The following GPC5 variants were observed in gnomAD, a reference collection of about 807,000 sequenced individuals.
GPC5 encodes the protein glypican 5, also known as glypican-5.
In GPC5, 47 loss-of-function variants were observed where a neutral mutation model predicts 53.9. The observed-to-expected ratio is 0.87, with a 90% CI of 0.69 to 1.11. The LOEUF (loss-of-function observed/expected upper bound fraction) is 1.11, where lower values mean the gene tolerates loss of function less well. GPC5 is among the 50% of genes most tolerant of loss of function. The pLI is 0.00. For missense variants in GPC5, 748 were observed against 713.1 expected (o/e 1.05, Z -0.56); for synonymous variants, 286 against 263.3 (o/e 1.09, Z -0.84).
intron 5 of GPC5, among the ~76,000 whole-genome samples, chr13:91,775,592 C>T (rs2037698346): frequency 6.6e-6 from 1 of 152,190 alleles, no homozygotes; most frequent in Admixed American, 6.5e-5. Flanking sequence ...TTTCATATCT[C>T]TATGGTTTGG....
chr13:91,917,938 C>T (rs1050156364), intron 6 of GPC5, among the ~76,000 whole-genome samples: 9 of 152,178 alleles, frequency 5.9e-5, no homozygotes, highest in Admixed American at 2.0e-4. Flanking sequence ...TCCACATTTT[C>T]GGGTATATCT....
At chr13:92,222,210 G>A (rs1239342986) in intron 7 of GPC5, among the ~76,000 whole-genome samples, 2 of 152,140 alleles carry the variant, frequency 1.3e-5, no homozygotes, top group East Asian at 1.9e-4. Flanking sequence ...TCAGAGCACA[G>A]GAGGACCAGA....
intron 2 of GPC5, among the ~76,000 whole-genome samples, chr13:91,572,099 GTA>G (rs1244026809): frequency 6.9e-5 from 8 of 116,688 alleles, no homozygotes; most frequent in Non-Finnish European, 1.4e-4. Context: ...ACATGTGTGT[GTA>G]TATACACACA....
intron 7 of GPC5, among the ~76,000 whole-genome samples, chr13:92,606,000 A>G (rs895794482): frequency 3.5e-4 from 53 of 152,180 alleles, no homozygotes; most frequent in Non-Finnish European, 5.6e-4. Flanking sequence ...AAATTTTCAA[A>G]GCTATTTTAA....
In GPC5 at chr13:91,644,919, C is replaced by A. The variant is rs7998900; in HGVS notation, c.326-48268C>A. ...TAATAACTTAAAGACTGTTACTCAA[C>A]ATGAGAAAGATATTTTAAACCAAAT... On this transcript the variant is annotated intron_variant, in intron 2 of 7. Coordinates refer to ENST00000377067, the MANE Select transcript of GPC5 (RefSeq NM_004466.6). 3.5e-3 allele frequency among the ~76,000 whole-genome samples: 529 copies of A among 152,274 alleles called. 4 individuals carry two copies. The highest frequency in any genetic ancestry group is 0.012 in the African/African-American group (502 of 41,556).
chr13:92,134,801 C>A (rs1400397704), intron 6 of GPC5, among the ~76,000 whole-genome samples: 1 of 152,026 alleles, frequency 6.6e-6, no homozygotes, highest in Non-Finnish European at 1.5e-5. Context: ...TTGCCTCTTT[C>A]TCTCCCTCCC....
At chr13:92,246,527 G>A (rs1177551789) in intron 7 of GPC5, among the ~76,000 whole-genome samples, 2 of 152,038 alleles carry the variant, frequency 1.3e-5, no homozygotes, top group Non-Finnish European at 2.9e-5. Flanking sequence ...AAACCATCCT[G>A]TCAGTAGATA....
intron 7 of GPC5, among the ~76,000 whole-genome samples, chr13:92,472,240 TCTTTCC>T (rs1287628007): frequency 6.6e-6 from 1 of 152,122 alleles, no homozygotes; most frequent in East Asian, 1.9e-4. Flanking sequence ...ACCATCTTAA[TCTTTCC>T]CTTCACTTCT....
intron 7 of GPC5, chr13:92,340,651 G>A (rs542518899): frequency 1.3e-4 from 20 of 152,134 alleles, no homozygotes; most frequent in Admixed American, 6.6e-4. Context: ...CATTTTAATT[G>A]CTTTTTCTTT....
intron 6 of GPC5, among the ~76,000 whole-genome samples, chr13:92,003,557 G>A (rs1031020588): frequency 6.6e-6 from 1 of 151,748 alleles, no homozygotes; most frequent in African/African-American, 2.4e-5. Flanking sequence ...ACAGATTATA[G>A]GATGTCAGTA....
At chr13:92,527,241 G>A (rs1197604484) in intron 7 of GPC5, among the ~76,000 whole-genome samples, 1 of 36,584 alleles carries the variant, frequency 2.7e-5, no homozygotes, top group Non-Finnish European at 4.8e-5. Context: ...AAGAAAGAAA[G>A]AAAGAAAGAG....
rs552529643 is a variant in GPC5, at chr13:92,274,778, A to G, written c.1561+129789A>G. ...GAGACGACAACAGAGTGAGTTTATT[A>G]GCCAAACGGAAGTTACAATCTTATG... On this transcript the variant is annotated intron_variant, in intron 7 of 7. Coordinates refer to ENST00000377067, the MANE Select transcript of GPC5 (RefSeq NM_004466.6). Among the ~76,000 whole-genome samples, 6 of 152,280 alleles carry G rather than the reference A, an allele frequency of 3.9e-5. No individual in the cohort carries two copies. The East Asian group carries it at 1.2e-3, about 29-fold the overall frequency.
At chr13:92,191,935 T>G (rs972110576) in intron 7 of GPC5, among the ~76,000 whole-genome samples, 20 of 152,126 alleles carry the variant, frequency 1.3e-4, no homozygotes, top group Non-Finnish European at 8.8e-5. Flanking sequence ...TCACAGAACA[T>G]AATGAAGGTG....
At chr13:92,780,660 G>GAAAACAC (rs1280566934) in intron 7 of GPC5, among the ~76,000 whole-genome samples, 2 of 150,688 alleles carry the variant, frequency 1.3e-5, no homozygotes, top group African/African-American at 4.9e-5. Context: ...TAGAAGATTG[G>GAAAACAC]TGCCCTCTTT....
chr13:92,406,183 C>T (rs1458493410), intron 7 of GPC5, among the ~76,000 whole-genome samples: 1 of 152,170 alleles, frequency 6.6e-6, no homozygotes, highest in Non-Finnish European at 1.5e-5. Flanking sequence ...TTTGATTTCA[C>T]TTCACATAAA....
intron 7 of GPC5, among the ~76,000 whole-genome samples, chr13:92,411,306 G>T (rs968541287): frequency 2.0e-5 from 3 of 152,002 alleles, no homozygotes; most frequent in African/African-American, 7.2e-5. Context: ...CTTGAGATAT[G>T]GATATTATGC....
At chr13:92,167,300 C>T (rs116786971) in intron 7 of GPC5, among the ~76,000 whole-genome samples, 1,903 of 152,124 alleles carry the variant, frequency 0.013, 30 homozygotes, top group African/African-American at 0.044. Context: ...ATTTTCAGGG[C>T]ATTGATGTAT....
chr13:91,550,743 T>A (rs1160715948), intron 2 of GPC5, among the ~76,000 whole-genome samples: 2 of 152,054 alleles, frequency 1.3e-5, no homozygotes, highest in Non-Finnish European at 2.9e-5. Context: ...ATTGTAATAA[T>A]CCCACATGTC....
Position 91,953,815 on chromosome 13 carries a change from G to A in GPC5, c.1401+45758G>A, listed in dbSNP as rs562512655. Among the ~76,000 whole-genome samples the A allele has an allele frequency of 1.2e-4, 19 of 152,220 alleles. No homozygotes were observed. In the South Asian group the frequency reaches 3.9e-3, roughly 32 times the overall value. ...AGTACACTGGACCTCTTTCATAAGG[G>A]CACTAACCACAATTATAAGAGCTCT... On this transcript the variant is annotated intron_variant, in intron 6 of 7. Transcript: ENST00000377067.
Sources: gnomAD v4.1 joint callset for allele counts (sites outside exome capture counted in the v4.1 genomes callset) on GRCh38, gnomAD v4.1.1 for gene constraint, MANE v1.5 for transcripts, NCBI Gene and HGNC (gene_info 2026-07-23, HGNC 2026-07-21) for gene names.